PPFIBP1: variants seen among roughly 807,000 people sequenced by gnomAD.
PPFIBP1 encodes liprin-beta-1.
Under a neutral mutation model 137.8 loss-of-function variants are expected in PPFIBP1, and 112 were observed. That is an observed-to-expected ratio of 0.81 (90% CI 0.70 to 0.95). The LOEUF is 0.95. PPFIBP1 is among the 40% of genes least tolerant of loss of function. The pLI is 0.00. For missense variants in PPFIBP1, 1,083 were observed against 1,196.6 expected (o/e 0.91, Z 1.40); for synonymous variants, 378 against 417.3 (o/e 0.91, Z 1.15).
At chr12:27,681,248 T>G (rs926658283) in intron 21 of PPFIBP1, among the ~76,000 whole-genome samples, 4 of 152,200 alleles carry the variant, frequency 2.6e-5, no homozygotes, top group African/African-American at 7.2e-5. Flanking sequence ...CAAACAACAT[T>G]GGTTAAAACT....
intron 2 of PPFIBP1, among the ~76,000 whole-genome samples, chr12:27,622,081 T>C (rs11049071): frequency 0.34 from 51,032 of 152,098 alleles, 8,870 homozygotes; most frequent in South Asian, 0.45. Context: ...GCTAACAGTT[T>C]TCCACTTGCC....
chr12:27,639,003 T>C (rs1379592576), intron 4 of PPFIBP1, among the ~76,000 whole-genome samples: 1 of 152,210 alleles, frequency 6.6e-6, no homozygotes, highest in East Asian at 1.9e-4. Flanking sequence ...GGAGATCCCC[T>C]GGTTTCTTGT....
At chr12:27,680,776 G>A (rs1566005015) in intron 21 of PPFIBP1, among the ~76,000 whole-genome samples, 1 of 152,152 alleles carries the variant, frequency 6.6e-6, no homozygotes, top group Non-Finnish European at 1.5e-5. Flanking sequence ...ATAAGAGGGT[G>A]GGGTTGGCAA....
At chr12:27,532,738 A>G (rs1944549510) in intron 1 of PPFIBP1, among the ~76,000 whole-genome samples, 1 of 152,136 alleles carries the variant, frequency 6.6e-6, no homozygotes, top group African/African-American at 2.4e-5. Flanking sequence ...CAAAATGTAG[A>G]ATAGAGTGAG....
chr12:27,667,955 G>A (rs2059961087), intron 13 of PPFIBP1, among the ~76,000 whole-genome samples: 1 of 152,242 alleles, frequency 6.6e-6, no homozygotes, highest in East Asian at 1.9e-4. Flanking sequence ...CATCTCTTCT[G>A]CTGTAGCCAC....
chr12:27,610,543 T>C (rs551134592), intron 2 of PPFIBP1, among the ~76,000 whole-genome samples: 1 of 152,310 alleles, frequency 6.6e-6, no homozygotes, highest in African/African-American at 2.4e-5. Context: ...ACATGTTTGC[T>C]CTTGTGGAAA....
chr12:27,653,087 A>G (rs2058975498), intron 7 of PPFIBP1, among the ~76,000 whole-genome samples: 1 of 7,790 alleles, frequency 1.3e-4, no homozygotes, highest in African/African-American at 3.9e-4. Context: ...CTAAGGGTTT[A>G]CTGGGAAGTG....
intron 1 of PPFIBP1, among the ~76,000 whole-genome samples, chr12:27,536,810 C>G (rs1177985735): frequency 2.6e-5 from 4 of 152,174 alleles, no homozygotes; most frequent in Admixed American, 2.0e-4. Flanking sequence ...AACTGTGGGT[C>G]TTTTCTGAGC....
intron 1 of PPFIBP1, among the ~76,000 whole-genome samples, chr12:27,562,443 G>GT (rs1381183071): frequency 6.6e-6 from 1 of 152,154 alleles, no homozygotes; most frequent in African/African-American, 2.4e-5. Flanking sequence ...ATTTTTGACA[G>GT]TATAAATTAT....
intron 24 of PPFIBP1, among the ~76,000 whole-genome samples, chr12:27,686,550 A>C (rs1284784499): frequency 1.3e-5 from 2 of 152,214 alleles, no homozygotes; most frequent in African/African-American, 4.8e-5. Context: ...AAACCTTTGC[A>C]CTGATTGATT....
At chr12:27,659,811 G>A (rs2059432954) in intron 10 of PPFIBP1, among the ~76,000 whole-genome samples, 2 of 152,132 alleles carry the variant, frequency 1.3e-5, no homozygotes, top group Admixed American at 1.3e-4. Flanking sequence ...TGGATGTGGT[G>A]GCTCACTCCT....
At chr12:27,608,217 T>C (rs2054731937) in intron 2 of PPFIBP1, among the ~76,000 whole-genome samples, 1 of 152,140 alleles carries the variant, frequency 6.6e-6, no homozygotes, top group South Asian at 2.1e-4. Context: ...CACAGCATAA[T>C]GCATTTAGGA....
chr12:27,664,313 A>G (rs1365110011), intron 11 of PPFIBP1, 49 bp from the exon 12 acceptor site: 1 of 1,199,238 alleles, frequency 8.3e-7, no homozygotes, highest in East Asian at 2.5e-5. Flanking sequence ...AATTACTATT[A>G]CTCTTTTAAG....
Position 27,654,743 on chromosome 12 carries a change from G to C in PPFIBP1, c.625G>C (p.Asp209His). 6.2e-7 allele frequency: 1 copy of C among 1,611,364 alleles called. No homozygotes were observed. The highest frequency in any genetic ancestry group is 8.5e-7 in the Non-Finnish European group (1 of 1,179,492). The stretch of plus-strand genomic sequence containing the variant: ...ACAGGGGCTGATTCAGGAGATCAAT[G>C]ATTTGAGGTTAAAAGTTAGTGAAAT... ...DTEGLIQEIN[D>H]LRLKVSEMDS... Residue 209 changes from aspartate (D) to histidine (H), a missense_variant, in exon 8 of 30, where the codon GAT (aspartate) becomes CAT (histidine). By Grantham distance (81) the Asp-to-His change is moderately conservative. Transcript: ENST00000228425.
chr12:27,563,992 C>T (rs958053896), intron 1 of PPFIBP1, among the ~76,000 whole-genome samples: 5 of 151,918 alleles, frequency 3.3e-5, no homozygotes, highest in Non-Finnish European at 5.9e-5. Flanking sequence ...CCTGCCTTAG[C>T]CTCCTGAGTA....
intron 10 of PPFIBP1, among the ~76,000 whole-genome samples, chr12:27,659,588 G>C (rs2059417971): frequency 6.6e-6 from 1 of 151,632 alleles, no homozygotes; most frequent in Non-Finnish European, 1.5e-5. Flanking sequence ...TGCCATTGTA[G>C]AGTTTGAGGC....
chr12:27,550,762 T>A (rs1946683424), intron 1 of PPFIBP1, among the ~76,000 whole-genome samples: 2 of 152,180 alleles, frequency 1.3e-5, no homozygotes, highest in Admixed American at 1.3e-4. Context: ...CATACTTGGC[T>A]GATTTCAAAG....
intron 3 of PPFIBP1, among the ~76,000 whole-genome samples, chr12:27,634,560 C>T (rs779543977): frequency 5.3e-5 from 8 of 152,068 alleles, no homozygotes; most frequent in Non-Finnish European, 8.8e-5. Context: ...AATATTGGTC[C>T]GGAATGGACC....
intron 2 of PPFIBP1, among the ~76,000 whole-genome samples, chr12:27,619,656 T>C (rs964704438): frequency 6.6e-6 from 1 of 152,228 alleles, no homozygotes; most frequent in African/African-American, 2.4e-5. Context: ...GTCTTGAGTT[T>C]GTCCTTTCTC....
Sources: gnomAD v4.1 joint callset for allele counts (sites outside exome capture counted in the v4.1 genomes callset) on GRCh38, gnomAD v4.1.1 for gene constraint, MANE v1.5 for transcripts, NCBI Gene and HGNC (gene_info 2026-07-23, HGNC 2026-07-21) for gene names.